Variants in ROPN1 observed in about 807,000 individuals in gnomAD.
ROPN1 encodes the protein rhophilin associated tail protein 1.
In ROPN1, 14 loss-of-function variants were observed where a neutral mutation model predicts 20.5. That is an observed-to-expected ratio of 0.68 (90% confidence interval 0.45 to 1.07). ROPN1 has a LOEUF of 1.07. Among genes scored for constraint, ROPN1 ranks in the 50% least tolerant of loss-of-function variants. The pLI is 0.00. For synonymous variants in ROPN1, 76 were observed against 95.7 expected (o/e 0.79, Z 1.20); for missense variants, 169 against 242.8 (o/e 0.70, Z 2.02).
chr3:123,969,948 C>T, intron 5 of ROPN1, 94 bp downstream of exon 5: 2 of 1,217,890 alleles, frequency 1.6e-6, no homozygotes, highest in Non-Finnish European at 2.3e-6. Context: ...TTTTCTGTTT[C>T]CAGAGCAGTA....
rs2038033580 is a variant in ROPN1, at chr3:123,976,844, T to C, written c.234+20A>G. 1 of 1,604,664 alleles carries C rather than the reference T, an allele frequency of 6.2e-7. No homozygotes were observed. The highest frequency in any genetic ancestry group is 8.5e-7 in the Non-Finnish European group (1 of 1,174,362). ...AACACTGTCCCTACATTCTCCTCAATGCTGCAGCAGGGCCCTTACCTGAGA... is the reference window on the plus strand; with the variant it reads ...AACACTGTCCCTACATTCTCCTCAACGCTGCAGCAGGGCCCTTACCTGAGA... On this transcript the variant is annotated intron_variant, in intron 3 of 5. Coordinates refer to ENST00000405845, the MANE Select transcript of ROPN1 (RefSeq NM_001317774.2).
rs144019495 is a variant in ROPN1 at position 123,988,221 on chromosome 3, C to T, written c.-13+3701G>A. On this transcript the variant is annotated intron_variant, in intron 1 of 5. Coordinates refer to ENST00000405845, the MANE Select transcript of ROPN1 (RefSeq NM_001317774.2). ...AATGCAGTGGCATGAGCTTGGCTCA[C>T]TGCAACTTCCACCTCTTGGGTTCAA... 4.1e-3 allele frequency among the ~76,000 whole-genome samples: 631 copies of T among 152,116 alleles called. 1 individual carries two copies. Among genetic ancestry groups the T allele is most frequent in the Middle Eastern group, 6.8e-3 (2 of 294 alleles).
At chr3:123,979,097 A>T (rs2038082103) in intron 2 of ROPN1, 1 of 169,952 alleles carries the variant, frequency 5.9e-6, no homozygotes, top group Admixed American at 5.5e-5. Flanking sequence ...TAAAATTTAA[A>T]ATGGAGAACT....
At chr3:123,977,214 T>C (rs968660084) in intron 2 of ROPN1, among the ~76,000 whole-genome samples, 4 of 152,212 alleles carry the variant, frequency 2.6e-5, no homozygotes, top group Admixed American at 2.6e-4. Context: ...TGTTCTTCTC[T>C]AAGGATGAGG....
chr3:123,977,758 T>A (rs1446935027), intron 2 of ROPN1, among the ~76,000 whole-genome samples: 1 of 152,244 alleles, frequency 6.6e-6, no homozygotes, highest in Non-Finnish European at 1.5e-5. Flanking sequence ...TGTTTCTCCA[T>A]CTTCCCTCAA....
chr3:123,981,132 A>G (rs1435737382), intron 1 of ROPN1, among the ~76,000 whole-genome samples: 2 of 152,268 alleles, frequency 1.3e-5, no homozygotes, highest in East Asian at 3.8e-4. Flanking sequence ...TAAAGTGTAT[A>G]CAATTCCCTC....
chr3:123,981,323 T>C (rs972047105), intron 1 of ROPN1: 4 of 152,662 alleles, frequency 2.6e-5, no homozygotes, highest in African/African-American at 9.7e-5. Flanking sequence ...CAGTGGCCAA[T>C]GAGGTGAGTA....
intron 2 of ROPN1, 78 bp downstream of exon 2, chr3:123,980,288 T>C: frequency 7.2e-7 from 1 of 1,379,962 alleles, no homozygotes; most frequent in Non-Finnish European, 1.0e-6. Context: ...GCTGCAGCCA[T>C]GACAACCTCC....
At chr3:123,988,489 A>G (rs1559828753) in intron 1 of ROPN1, among the ~76,000 whole-genome samples, 1 of 152,176 alleles carries the variant, frequency 6.6e-6, no homozygotes, top group Non-Finnish European at 1.5e-5. Context: ...TATAGTTTCC[A>G]ATATAAGATT....
At chr3:123,990,927 C>T (rs2038393484) in intron 1 of ROPN1, among the ~76,000 whole-genome samples, 1 of 152,082 alleles carries the variant, frequency 6.6e-6, no homozygotes, top group Admixed American at 6.6e-5. Flanking sequence ...TGAAAGTCTC[C>T]AGTAACATGA....
At chr3:123,990,731 C>A (rs544671150) in intron 1 of ROPN1, among the ~76,000 whole-genome samples, 2 of 152,274 alleles carry the variant, frequency 1.3e-5, no homozygotes, top group African/African-American at 4.8e-5. Flanking sequence ...TCCATAACCC[C>A]AACTCTTTCA....
chr3:123,971,527 G>C (rs2037919695), intron 4 of ROPN1, among the ~76,000 whole-genome samples: 1 of 152,142 alleles, frequency 6.6e-6, no homozygotes, highest in Non-Finnish European at 1.5e-5. Context: ...GTCCTCTCAT[G>C]GAAATTGTTG....
At position 123,980,448 on chromosome 3, in the gene ROPN1, G is replaced by A. The variant is rs1246750965; in HGVS notation, c.34C>T (p.Pro12Ser). Residue 12 changes from proline (P) to serine (S), a missense_variant, in exon 2 of 6, where the codon CCG becomes TCG. Around this residue, in one of 3 missense-constraint regions of ROPN1, gnomAD observed 84 missense variants for 99.3 expected, o/e 0.85. Transcript: ENST00000405845. Reference protein sequence around the residue: ...AQTDKPTCIPPELPKMLKEFA... With the variant: ...AQTDKPTCIPSELPKMLKEFA... ...TCCTTCAGCATCTTCGGCAGCTCCG[G>A]CGGGATGCATGTTGGCTTATCTGTC... The A allele has an allele frequency of 5.6e-6, 9 of 1,614,170 alleles. No homozygotes were observed. The highest frequency in any genetic ancestry group is 1.1e-5 in the South Asian group (1 of 91,078).
intron 3 of ROPN1, among the ~76,000 whole-genome samples, chr3:123,976,068 A>G (rs922255168): frequency 3.3e-5 from 5 of 152,166 alleles, no homozygotes; most frequent in Admixed American, 6.5e-5. Context: ...TGGATGCCTA[A>G]TGTTGCTTGA....
At chr3:123,970,276 C>A (rs1364088197) in intron 4 of ROPN1, 59 bp from the exon 5 acceptor site, 5 of 1,485,518 alleles carry the variant, frequency 3.4e-6, no homozygotes, top group Admixed American at 1.8e-5. Context: ...TTCCTGAGAT[C>A]GGTTTAGATA....
chr3:123,982,288 G>A (rs2038165917), intron 1 of ROPN1, among the ~76,000 whole-genome samples: 1 of 152,200 alleles, frequency 6.6e-6, no homozygotes, highest in Non-Finnish European at 1.5e-5. Flanking sequence ...TTCTCAATGA[G>A]TATGCCACAG....
chr3:123,986,587 T>C (rs1486993360), intron 1 of ROPN1, among the ~76,000 whole-genome samples: 13 of 152,080 alleles, frequency 8.5e-5, no homozygotes, highest in Non-Finnish European at 1.3e-4. Flanking sequence ...AGGGAAGGTG[T>C]TGGCAGGGGT....
chr3:123,982,183 G>C (rs969941863), intron 1 of ROPN1, among the ~76,000 whole-genome samples: 1 of 152,044 alleles, frequency 6.6e-6, no homozygotes, highest in Non-Finnish European at 1.5e-5. Context: ...GATACTTTAA[G>C]GCAAAATGCA....
chr3:123,984,908 G>T (rs1027804330), intron 1 of ROPN1, among the ~76,000 whole-genome samples: 3 of 152,058 alleles, frequency 2.0e-5, no homozygotes, highest in African/African-American at 7.2e-5. Flanking sequence ...TACTTCCCCA[G>T]GGTTTTTCAT....
Sources: allele counts gnomAD v4.1 joint callset (sites outside exome capture counted in the v4.1 genomes callset), GRCh38; gene constraint gnomAD v4.1.1; regional missense constraint gnomAD v4.1.1; transcripts MANE v1.5; gene names NCBI Gene and HGNC (gene_info 2026-07-23, HGNC 2026-07-21).